PIK3R1: variants seen among roughly 807,000 people sequenced by gnomAD.
PIK3R1 encodes the protein phosphoinositide-3-kinase regulatory subunit 1, also known as phosphatidylinositol 3-kinase regulatory subunit alpha.
PIK3R1 carries 29 observed loss-of-function variants against 98.0 expected under a neutral mutation model. The observed-to-expected ratio is 0.30, with a 90% CI of 0.22 to 0.40. The LOEUF is 0.40. Among genes scored for constraint, PIK3R1 ranks in the 10% least tolerant of loss-of-function variants. The probability of loss-of-function intolerance (pLI) is 1.00; values close to 1 mark genes in which losing one functional copy is unlikely to be tolerated. For missense variants in PIK3R1, 596 were observed against 872.7 expected, an observed-to-expected ratio of 0.68 and a Z score of 3.99; for synonymous variants, 282 against 311.8, an observed-to-expected ratio of 0.90 and a Z score of 1.01.
At chr5:68,260,013 A>C (rs905416916) in intron 2 of PIK3R1, among the ~76,000 whole-genome samples, 1 of 152,198 alleles carries the variant, frequency 6.6e-6, no homozygotes, top group Non-Finnish European at 1.5e-5. Flanking sequence ...TTATAATGTT[A>C]TGAAAGATTA....
rs767441889 is a variant in PIK3R1 at position 68,297,684 on chromosome 5, T to C, written c.*83T>C. 1.7e-6 allele frequency: 2 copies of C among 1,146,058 alleles called. No homozygotes were observed. The highest frequency in any genetic ancestry group is 1.6e-5 in the African/African-American group (1 of 64,386). The allele number at this position is 1,146,058 out of a possible 1,614,324, so 71.0% of individuals were successfully genotyped here. A position where few individuals can be genotyped will look rare whatever the true frequency, so the allele number is the denominator to read the frequency against. On this transcript the variant is annotated 3_prime_UTR_variant, in exon 16 of 16. Coordinates refer to ENST00000521381, the MANE Select transcript of PIK3R1 (RefSeq NM_181523.3). ...CAAAGGGCTCCTCTCCAGTCTGATC[T>C]GTGAATTGAGCTGCAGAAACGAAGC...
At chr5:68,294,509 C>T (rs1040090513) in intron 11 of PIK3R1, 27 bp from the exon 12 acceptor site, 1 of 1,566,276 alleles carries the variant, frequency 6.4e-7, no homozygotes, top group Non-Finnish European at 8.7e-7. Flanking sequence ...AAAGGTATGA[C>T]ATTATCTTTT....
intron 2 of PIK3R1, among the ~76,000 whole-genome samples, chr5:68,227,914 C>T (rs112462423): frequency 0.016 from 2,428 of 152,312 alleles, 63 homozygotes; most frequent in African/African-American, 0.056. Flanking sequence ...TCCATACTTG[C>T]GCTTCAGGCA....
chr5:68,257,695 C>T (rs1286140187), intron 2 of PIK3R1, among the ~76,000 whole-genome samples: 1 of 152,158 alleles, frequency 6.6e-6, no homozygotes, highest in Non-Finnish European at 1.5e-5. Flanking sequence ...AAAGAAGATT[C>T]CATGTCTATA....
chr5:68,280,487 C>T (rs777468585), intron 5 of PIK3R1, 41 bp from the exon 6 acceptor site: 134 of 1,352,310 alleles, frequency 9.9e-5, no homozygotes, highest in Admixed American at 1.3e-4. Context: ...TGGAAGTAGT[C>T]GCTTACTCAT....
intron 5 of PIK3R1, among the ~76,000 whole-genome samples, 180 bp downstream of exon 5, chr5:68,279,913 C>T (rs1303863124): frequency 6.6e-6 from 1 of 152,214 alleles, no homozygotes; most frequent in African/African-American, 2.4e-5. Flanking sequence ...GACCCAGATT[C>T]TCATTTGCTT....
At chr5:68,264,399 T>C (rs758300582) in intron 2 of PIK3R1, among the ~76,000 whole-genome samples, 3 of 152,238 alleles carry the variant, frequency 2.0e-5, no homozygotes, top group Non-Finnish European at 4.4e-5. Flanking sequence ...GTGGTTACAA[T>C]TGGCTTTGAA....
chr5:68,216,567 C>T (rs1580162906), intron 1 of PIK3R1, among the ~76,000 whole-genome samples: 1 of 152,188 alleles, frequency 6.6e-6, no homozygotes, highest in Non-Finnish European at 1.5e-5. Flanking sequence ...CGCTGGGGCC[C>T]TAACTCAGCG....
chr5:68,294,453 A>G (rs1747574079), intron 11 of PIK3R1, 83 bp from the exon 12 acceptor site: 1 of 984,828 alleles, frequency 1.0e-6, no homozygotes, highest in Non-Finnish European at 1.5e-6. Context: ...CTAATAATAC[A>G]GATCAAATGT....
intron 2 of PIK3R1, among the ~76,000 whole-genome samples, chr5:68,247,525 G>A (rs1026084262): frequency 6.6e-6 from 1 of 151,440 alleles, no homozygotes; most frequent in Non-Finnish European, 1.5e-5. Flanking sequence ...TGATCTGTCT[G>A]CCTCAGCCTC....
At chr5:68,242,466 TC>T (rs1611062) in intron 2 of PIK3R1, among the ~76,000 whole-genome samples, 29,081 of 152,152 alleles carry the variant, frequency 0.19, 3,521 homozygotes, top group East Asian at 0.38. Flanking sequence ...AAGCACGACT[TC>T]CAGTGAGGCA....
chr5:68,273,716 AT>A (rs1359965657), intron 3 of PIK3R1: 1 of 591,268 alleles, frequency 1.7e-6, no homozygotes, highest in East Asian at 2.8e-5. Context: ...ATTCTTCATA[AT>A]TTAATAAATA....
chr5:68,246,858 C>G (rs548338922), intron 2 of PIK3R1, among the ~76,000 whole-genome samples: 1 of 151,634 alleles, frequency 6.6e-6, no homozygotes, highest in South Asian at 2.1e-4. Context: ...TAATAAATAA[C>G]AAATATTTTG....
At chr5:68,297,371 T>C in intron 15 of PIK3R1, 41 bp from the exon 16 acceptor site, 2 of 1,518,142 alleles carry the variant, frequency 1.3e-6, no homozygotes, top group Non-Finnish European at 1.8e-6. Context: ...TGAATTGTCT[T>C]GGACAAGCTC....
chr5:68,288,161 C>A (rs1747158840), intron 7 of PIK3R1, among the ~76,000 whole-genome samples: 1 of 152,164 alleles, frequency 6.6e-6, no homozygotes, highest in Admixed American at 6.5e-5. Flanking sequence ...TTGAGCCCCG[C>A]GAGCCAGCCA....
Position 68,292,225 on chromosome 5 carries a change from G to A in PIK3R1, c.917-34G>A, listed in dbSNP as rs779572957. On this transcript the variant is annotated intron_variant, in intron 7 of 15. Transcript: ENST00000521381. ...AAGAAATTTAGTTCTAATGTAGTTGGGATTGCGAACAACTTTTTCTTTTTC... is the reference window on the plus strand; with the variant it reads ...AAGAAATTTAGTTCTAATGTAGTTGAGATTGCGAACAACTTTTTCTTTTTC... 4.4e-6 allele frequency: 6 copies of A among 1,349,470 alleles called. No homozygotes were observed. In the South Asian group the frequency reaches 6.0e-5, roughly 13 times the overall value. The allele number at this position is 1,349,470 out of a possible 1,614,324, so 83.6% of individuals were successfully genotyped here.
rs972790556 is a variant in PIK3R1, at chr5:68,226,843, A to G, written c.168A>G (p.Leu56=). Residue 56 remains leucine (L), a synonymous_variant, in exon 2 of 16, where the codon TTA becomes TTG. Coordinates refer to ENST00000521381, the MANE Select transcript of PIK3R1 (RefSeq NM_181523.3). ...QEARPEEIGW[L]NGYNETTGER... ...CCAGGCCTGAAGAAATTGGCTGGTT[A>G]AATGGCTATAATGAAACCACAGGGG... The G allele has an allele frequency of 2.5e-6, 4 of 1,614,054 alleles. No homozygotes were observed. The highest frequency in any genetic ancestry group is 3.3e-5 in the Admixed American group (2 of 60,004).
In PIK3R1 at chr5:68,297,665, G is replaced by C; in HGVS notation, c.*64G>C. The C allele has an allele frequency of 1.5e-6, 2 of 1,341,748 alleles. No homozygotes were observed. The highest frequency in any genetic ancestry group is 1.1e-6 in the Non-Finnish European group (1 of 949,552). The allele number at this position is 1,341,748 out of a possible 1,614,324, so 83.1% of individuals were successfully genotyped here. On this transcript the variant is annotated 3_prime_UTR_variant, in exon 16 of 16. Coordinates refer to ENST00000521381, the MANE Select transcript of PIK3R1 (RefSeq NM_181523.3). Reference sequence around the variant, plus strand: ...CCCTGAGGCCTCTGGAAAGCAAAGGGCTCCTCTCCAGTCTGATCTGTGAAT... The same window carrying C: ...CCCTGAGGCCTCTGGAAAGCAAAGGCCTCCTCTCCAGTCTGATCTGTGAAT...
In PIK3R1 at chr5:68,297,809, G is replaced by C. The variant is rs1747813665; in HGVS notation, c.*208G>C. On this transcript the variant is annotated 3_prime_UTR_variant, in exon 16 of 16. Coordinates refer to ENST00000521381, the MANE Select transcript of PIK3R1 (RefSeq NM_181523.3). ...ATGATGACCACACGTTCCTAAGCTGGAGTGCTTATCCCTTCTTTTTCTTTT... is the reference window on the plus strand; with the variant it reads ...ATGATGACCACACGTTCCTAAGCTGCAGTGCTTATCCCTTCTTTTTCTTTT... 1 of 434,304 alleles carries C rather than the reference G, an allele frequency of 2.3e-6. No individual in the cohort carries two copies. The highest frequency in any genetic ancestry group is 4.0e-5 in the Admixed American group (1 of 25,058). The allele number at this position is 434,304 out of a possible 1,614,324, so 26.9% of individuals were successfully genotyped here. A position where few individuals can be genotyped will look rare whatever the true frequency, so the allele number is the denominator to read the frequency against.
Sources: allele counts gnomAD v4.1 joint callset (sites outside exome capture counted in the v4.1 genomes callset), GRCh38; gene constraint gnomAD v4.1.1; transcripts MANE v1.5; gene names NCBI Gene and HGNC (gene_info 2026-07-23, HGNC 2026-07-21).